Variants in BCO2 observed in about 807,000 individuals in gnomAD.
The protein encoded by BCO2 is carotenoid-cleaving dioxygenase, mitochondrial.
BCO2 carries 56 observed loss-of-function variants against 65.8 expected under a neutral mutation model. The ratio of observed to expected loss-of-function variants is 0.85; its 90% CI spans 0.69 to 1.06. BCO2 has a LOEUF of 1.06. BCO2 is among the 50% of genes least tolerant of loss of function. The pLI, the probability that BCO2 is intolerant of heterozygous loss-of-function variation, is 0.00. For synonymous variants in BCO2, 233 were observed against 242.3 expected (o/e 0.96, Z 0.36); for missense variants, 675 against 698.5 (o/e 0.97, Z 0.38).
chr11:112,197,828 G>A (rs189436380), intron 5 of BCO2, among the ~76,000 whole-genome samples: 6 of 152,250 alleles, frequency 3.9e-5, no homozygotes, highest in Admixed American at 3.3e-4. Flanking sequence ...TGTCATGATA[G>A]GGCCACACTG....
intron 8 of BCO2, among the ~76,000 whole-genome samples, chr11:112,206,251 GC>G (rs1867866459): frequency 6.6e-6 from 1 of 150,442 alleles, no homozygotes; most frequent in African/African-American, 2.5e-5. Flanking sequence ...CAGCGGCCGG[GC>G]AGAGGCGCTC....
At chr11:112,183,258 A>G in intron 2 of BCO2, 6 of 734,358 alleles carry the variant, frequency 8.2e-6, no homozygotes, top group Admixed American at 3.9e-5. Flanking sequence ...TTCTTTCTCC[A>G]TCCACTCAGT....
chr11:112,217,352 TTCTC>T lies in BCO2; in HGVS notation c.1627-399_1627-396del, dbSNP rs926712618. 2.0e-5 allele frequency among the ~76,000 whole-genome samples: 3 copies of T among 152,114 alleles called. No individual in the cohort carries two copies. In the South Asian group the frequency reaches 6.2e-4, roughly 32 times the overall value. Reference sequence around the variant, plus strand: ...TGTAAGACATGGTCTTGCTCTTTCTTTCTCTCTCTCTCTTTTCTTTTCTTTTTAA... The same window carrying T: ...TGTAAGACATGGTCTTGCTCTTTCTTTCTCTCTCTTTTCTTTTCTTTTTAA... On this transcript the variant is annotated intron_variant, in intron 11 of 11. Transcript: ENST00000357685.
chr11:112,180,229 A>G (rs1326700602), intron 2 of BCO2, among the ~76,000 whole-genome samples: 1 of 152,244 alleles, frequency 6.6e-6, no homozygotes, highest in Non-Finnish European at 1.5e-5. Context: ...AGCAAATTCA[A>G]GTTTTGCTTT....
intron 1 of BCO2, among the ~76,000 whole-genome samples, chr11:112,178,058 G>A (rs962398671): frequency 2.0e-5 from 3 of 151,372 alleles, no homozygotes; most frequent in African/African-American, 7.3e-5. Context: ...ACAGGGGTCG[G>A]CCAACACACC....
At position 112,175,657 on chromosome 11, in the gene BCO2, A is replaced by T. The variant is rs574249150; in HGVS notation, c.56A>T (p.Asp19Val). Residue 19 changes from aspartate (D) to valine (V), a missense_variant, in exon 1 of 12, where the codon GAT (aspartate) becomes GTT (valine). Physicochemically the swap from Asp to Val is radical, Grantham distance 152. Coordinates refer to ENST00000357685, the MANE Select transcript of BCO2 (RefSeq NM_031938.7). Reference protein sequence around the residue: ...FIRSHSATAVDFLPVMVHRLP... With the variant: ...FIRSHSATAVVFLPVMVHRLP... Reference sequence around the variant, plus strand: ...AGGAGTCATTCTGCCACTGCAGTGGATTTCCTTCCTGTGATGGTGCACCGG... The same window carrying T: ...AGGAGTCATTCTGCCACTGCAGTGGTTTTCCTTCCTGTGATGGTGCACCGG... 6.2e-7 allele frequency: 1 copy of T among 1,613,982 alleles called. No individual in the cohort carries two copies. The highest frequency in any genetic ancestry group is 1.1e-5 in the South Asian group (1 of 91,066).
At chr11:112,197,968 C>CT (rs750894304) in intron 5 of BCO2, among the ~76,000 whole-genome samples, 8 of 152,188 alleles carry the variant, frequency 5.3e-5, no homozygotes, top group Non-Finnish European at 7.3e-5. Context: ...TCCTTTAGGT[C>CT]TTTACTCAGA....
rs748509880 is a variant in BCO2, at chr11:112,216,344, C to T, written c.1626+14C>T. 3.0e-5 allele frequency: 47 copies of T among 1,586,524 alleles called. No individual in the cohort carries two copies. Among genetic ancestry groups the T allele is most frequent in the African/African-American group, 4.0e-5 (3 of 74,334 alleles). On this transcript the variant is annotated intron_variant, in intron 11 of 11. Transcript: ENST00000357685. Reference sequence around the variant, plus strand: ...ACTCCCAACCAGGTAAATATATTTCCCTATCACCAGTCAGAAAGAAAAGTA... The same window carrying T: ...ACTCCCAACCAGGTAAATATATTTCTCTATCACCAGTCAGAAAGAAAAGTA...
intron 8 of BCO2, among the ~76,000 whole-genome samples, chr11:112,203,310 A>T (rs1406631599): frequency 6.6e-6 from 1 of 152,166 alleles, no homozygotes; most frequent in Admixed American, 6.5e-5. Context: ...AAGTTTACTT[A>T]TGCCTTACTA....
intron 8 of BCO2, among the ~76,000 whole-genome samples, chr11:112,213,131 CTTTTTTTTTTTTTTTT>C (rs35527541): frequency 1.6e-5 from 1 of 63,064 alleles, no homozygotes; most frequent in African/African-American, 7.5e-5. Context: ...AATTAAATAA[CTTTTTTTTTTTTTTTT>C]TTTTTTTTTT....
intron 8 of BCO2, among the ~76,000 whole-genome samples, chr11:112,212,753 C>T (rs1362282685): frequency 2.0e-5 from 3 of 152,166 alleles, no homozygotes; most frequent in African/African-American, 7.2e-5. Context: ...AAGCATAAAA[C>T]CCCTACATGA....
chr11:112,181,199 T>TTTTTTTTA (rs1867033511), intron 2 of BCO2: 2 of 774,976 alleles, frequency 2.6e-6, no homozygotes, highest in Non-Finnish European at 2.1e-6. Context: ...TTTTTTTTTT[T>TTTTTTTTA]GAGACGGAGT....
chr11:112,207,900 A>G (rs1308857841), intron 8 of BCO2, among the ~76,000 whole-genome samples: 2 of 147,810 alleles, frequency 1.4e-5, no homozygotes, highest in South Asian at 2.1e-4. Context: ...TTTTTTTTAC[A>G]TTATTTTAAA....
intron 8 of BCO2, among the ~76,000 whole-genome samples, chr11:112,203,444 G>C (rs1213828246): frequency 6.6e-6 from 1 of 151,948 alleles, no homozygotes; most frequent in Non-Finnish European, 1.5e-5. Flanking sequence ...CCATTTATCA[G>C]GTTTTGTTTT....
intron 5 of BCO2, among the ~76,000 whole-genome samples, chr11:112,196,506 A>T (rs1867578229): frequency 6.6e-6 from 1 of 152,226 alleles, no homozygotes; most frequent in African/African-American, 2.4e-5. Flanking sequence ...AACATTAATC[A>T]ATCCAGTTGG....
chr11:112,201,580 G>C (rs1867736208), intron 7 of BCO2, among the ~76,000 whole-genome samples: 1 of 152,024 alleles, frequency 6.6e-6, no homozygotes, highest in Non-Finnish European at 1.5e-5. Context: ...TAAAGAGATA[G>C]TATCTTAAAT....
At chr11:112,185,032 A>G (rs540853477) in intron 2 of BCO2, among the ~76,000 whole-genome samples, 74 of 152,376 alleles carry the variant, frequency 4.9e-4, no homozygotes, top group African/African-American at 1.7e-3. Flanking sequence ...AAGGAAAGCA[A>G]CTTCAGAAAT....
intron 8 of BCO2, among the ~76,000 whole-genome samples, chr11:112,212,491 C>T (rs1859538254): frequency 6.6e-6 from 1 of 152,116 alleles, no homozygotes; most frequent in Non-Finnish European, 1.5e-5. Context: ...TTTAAAAAGA[C>T]TCTATATAGT....
intron 8 of BCO2, chr11:112,209,022 G>A (rs1859431500): frequency 6.3e-6 from 1 of 157,514 alleles, no homozygotes; most frequent in South Asian, 1.9e-4. Flanking sequence ...AGAAAGTATG[G>A]AGAGTTTCCA....
Sources: gnomAD v4.1 joint callset for allele counts (sites outside exome capture counted in the v4.1 genomes callset) on GRCh38, gnomAD v4.1.1 for gene constraint, MANE v1.5 for transcripts, NCBI Gene and HGNC (gene_info 2026-07-23, HGNC 2026-07-21) for gene names.